Variants in RALGPS2 observed in about 807,000 individuals in gnomAD.
The protein encoded by RALGPS2 is ras-specific guanine nucleotide-releasing factor RalGPS2.
Under a neutral mutation model 86.8 loss-of-function variants are expected in RALGPS2, and 43 were observed. That is an observed-to-expected ratio of 0.50 (90% CI 0.39 to 0.64). The LOEUF (loss-of-function observed/expected upper bound fraction) is 0.64. Ranked by LOEUF, RALGPS2 falls within the 30% of genes least tolerant of loss-of-function variation. The pLI is 0.00. For missense variants in RALGPS2, 536 were observed against 694.6 expected (o/e 0.77, Z 2.57); for synonymous variants, 243 against 231.3 (o/e 1.05, Z -0.46).
intron 6 of RALGPS2, among the ~76,000 whole-genome samples, chr1:178,812,059 T>C (rs1655011613): frequency 6.6e-6 from 1 of 152,168 alleles, no homozygotes; most frequent in Non-Finnish European, 1.5e-5. Flanking sequence ...CCGGCAGCGA[T>C]GTAACAAAAG....
intron 8 of RALGPS2, chr1:178,850,332 CTAAA>C (rs550455005): frequency 6.6e-6 from 1 of 152,454 alleles, no homozygotes; most frequent in South Asian, 2.1e-4. Context: ...CTGTAGCACA[CTAAA>C]TATTCTGCAT....
intron 8 of RALGPS2, among the ~76,000 whole-genome samples, chr1:178,872,350 C>G (rs1658804424): frequency 1.3e-5 from 2 of 152,146 alleles, no homozygotes; most frequent in South Asian, 4.1e-4. Flanking sequence ...CAAATGCTCA[C>G]AAGAAGAATG....
chr1:178,754,592 G>T (rs1349665122), intron 1 of RALGPS2, among the ~76,000 whole-genome samples: 4 of 152,148 alleles, frequency 2.6e-5, no homozygotes, highest in Admixed American at 1.3e-4. Flanking sequence ...CAACAGATGA[G>T]GTCTGCCACA....
chr1:178,809,808 T>A (rs981221938), intron 5 of RALGPS2, among the ~76,000 whole-genome samples: 12 of 152,314 alleles, frequency 7.9e-5, no homozygotes, highest in Non-Finnish European at 1.5e-4. Flanking sequence ...CATGGTCTTT[T>A]ATGACCTCGT....
At chr1:178,854,070 A>G (rs1411887138) in intron 8 of RALGPS2, among the ~76,000 whole-genome samples, 2 of 152,102 alleles carry the variant, frequency 1.3e-5, no homozygotes, top group East Asian at 1.9e-4. Flanking sequence ...TAACATTTTC[A>G]TGCAGCTATA....
intron 8 of RALGPS2, among the ~76,000 whole-genome samples, chr1:178,867,995 T>C (rs1303857242): frequency 6.6e-6 from 1 of 151,990 alleles, no homozygotes; most frequent in Non-Finnish European, 1.5e-5. Flanking sequence ...TGGAGAATTA[T>C]TATTATTTTA....
rs115487112 is a variant in RALGPS2, at chr1:178,755,603, G to A, written c.-83-21079G>A. Among the ~76,000 whole-genome samples the A allele has an allele frequency of 2.7e-3, 405 of 152,268 alleles. 2 individuals carry two copies. The highest frequency in any genetic ancestry group is 9.1e-3 in the African/African-American group (379 of 41,564). On this transcript the variant is annotated intron_variant, in intron 1 of 19. Coordinates refer to ENST00000367635, the MANE Select transcript of RALGPS2 (RefSeq NM_152663.5). ...CCAGTCCACCATTGTTGGGTACCTA[G>A]GTTGATTTTATATGTCTTTGCTATT...
intron 8 of RALGPS2, among the ~76,000 whole-genome samples, chr1:178,875,917 T>C (rs577692058): frequency 6.6e-6 from 1 of 152,138 alleles, no homozygotes; most frequent in South Asian, 2.1e-4. Flanking sequence ...TCCTCCAAGA[T>C]TGGGGAAAGT....
chr1:178,851,140 G>A, intron 8 of RALGPS2: 1 of 1,612,894 alleles, frequency 6.2e-7, no homozygotes, highest in Non-Finnish European at 8.5e-7. Context: ...CAGTCAATAG[G>A]CTTGATCATC....
At chr1:178,748,462 A>T (rs544474972) in intron 1 of RALGPS2, among the ~76,000 whole-genome samples, 2 of 152,370 alleles carry the variant, frequency 1.3e-5, no homozygotes, top group Admixed American at 1.3e-4. Flanking sequence ...ACAAATTGTG[A>T]TGTGACTATA....
chr1:178,790,374 C>T (rs190789831), intron 4 of RALGPS2, among the ~76,000 whole-genome samples: 181 of 152,280 alleles, frequency 1.2e-3, no homozygotes, highest in African/African-American at 3.9e-3. Flanking sequence ...ATATTAAAGA[C>T]ATATAACAAA....
chr1:178,914,630 TC>T (rs1485534353), intron 19 of RALGPS2, among the ~76,000 whole-genome samples: 2 of 152,186 alleles, frequency 1.3e-5, no homozygotes, highest in Non-Finnish European at 2.9e-5. Flanking sequence ...GAGAAGCTCT[TC>T]CTGGCTTTGC....
At chr1:178,820,032 C>G (rs1158214613) in intron 6 of RALGPS2, among the ~76,000 whole-genome samples, 2 of 152,170 alleles carry the variant, frequency 1.3e-5, no homozygotes, top group Non-Finnish European at 2.9e-5. Flanking sequence ...CTGTGGTATG[C>G]TCATCACAAT....
At chr1:178,746,905 A>G (rs1651363729) in intron 1 of RALGPS2, 7 of 1,119,966 alleles carry the variant, frequency 6.3e-6, no homozygotes, top group Middle Eastern at 2.4e-4. Context: ...TTCTGTTCCT[A>G]TTGTATTTTT....
At chr1:178,862,168 C>T (rs779338050) in intron 8 of RALGPS2, among the ~76,000 whole-genome samples, 6 of 151,964 alleles carry the variant, frequency 3.9e-5, no homozygotes, top group Admixed American at 1.3e-4. Flanking sequence ...CCACCATGCC[C>T]GGCGAGGATA....
chr1:178,894,227 C>T (rs1659842098), intron 16 of RALGPS2: 2 of 398,076 alleles, frequency 5.0e-6, no homozygotes, highest in African/African-American at 4.1e-5. Context: ...AGTACCAAAC[C>T]AAATTACCAT....
intron 1 of RALGPS2, among the ~76,000 whole-genome samples, chr1:178,773,404 A>C (rs1047594715): frequency 2.0e-5 from 3 of 152,138 alleles, no homozygotes; most frequent in Non-Finnish European, 4.4e-5. Flanking sequence ...TTATAACACA[A>C]AGAAAAGTAA....
intron 8 of RALGPS2, among the ~76,000 whole-genome samples, chr1:178,864,494 TGA>T (rs1658248440): frequency 6.6e-6 from 1 of 152,040 alleles, no homozygotes; most frequent in Admixed American, 6.6e-5. Flanking sequence ...GTGGAGATAA[TGA>T]GGTGTAATTA....
intron 1 of RALGPS2, among the ~76,000 whole-genome samples, chr1:178,730,812 C>T (rs1650302660): frequency 6.6e-6 from 1 of 152,034 alleles, no homozygotes; most frequent in Non-Finnish European, 1.5e-5. Context: ...AGCGATTCTC[C>T]TGCCTCAGCC....
Sources: allele counts gnomAD v4.1 joint callset (sites outside exome capture counted in the v4.1 genomes callset), GRCh38; gene constraint gnomAD v4.1.1; transcripts MANE v1.5; gene names NCBI Gene and HGNC (gene_info 2026-07-23, HGNC 2026-07-21).